Variants in DCLK2 observed in about 807,000 individuals in gnomAD.
The protein encoded by DCLK2 is serine/threonine-protein kinase DCLK2.
In DCLK2, 31 loss-of-function variants were observed where a neutral mutation model predicts 78.4. The observed-to-expected ratio is 0.40, with a 90% CI of 0.30 to 0.53. The LOEUF is 0.53. Among genes scored for constraint, DCLK2 ranks in the 20% least tolerant of loss-of-function variants. DCLK2 has a pLI of 0.61. For synonymous variants in DCLK2, 407 were observed against 374.9 expected, an observed-to-expected ratio of 1.09 and a Z score of -0.99; for missense variants, 872 against 973.7, an observed-to-expected ratio of 0.90 and a Z score of 1.39.
In DCLK2 at chr4:150,232,795, C is replaced by T. The variant is rs755611045; in HGVS notation, c.1533C>T (p.Ile511=). The T allele has an allele frequency of 7.4e-6, 12 of 1,613,960 alleles. No individual in the cohort carries two copies. Among genetic ancestry groups the T allele is most frequent in the Admixed American group, 6.7e-5 (4 of 60,000 alleles). Residue 511 remains isoleucine, a synonymous_variant, in exon 10 of 16, where the codon ATC becomes ATT. Transcript: ENST00000296550. ...TCAGGTATCTCCATGGCCTCAGCAT[C>T]GTGCACAGAGACATCAAACCAGAGA... The part of the protein sequence containing the change: ...NALRYLHGLS[I]VHRDIKPENL...
At chr4:150,193,829 C>G (rs1014897311) in intron 3 of DCLK2, among the ~76,000 whole-genome samples, 7 of 151,992 alleles carry the variant, frequency 4.6e-5, no homozygotes, top group Non-Finnish European at 1.0e-4. Flanking sequence ...CTCACTGCAG[C>G]CTTGACTGTG....
chr4:150,086,673 A>AT (rs1729672854), intron 1 of DCLK2, among the ~76,000 whole-genome samples: 1 of 151,764 alleles, frequency 6.6e-6, no homozygotes, highest in Non-Finnish European at 1.5e-5. Flanking sequence ...CGCCCTGCTA[A>AT]TTTTTTGTAT....
At chr4:150,239,660 C>A in intron 10 of DCLK2, 82 bp from the exon 11 acceptor site, 1 of 1,512,302 alleles carries the variant, frequency 6.6e-7, no homozygotes, top group Non-Finnish European at 9.0e-7. Flanking sequence ...GTATTTGTGT[C>A]CTTTCTGCCT....
At chr4:150,201,347 G>T (rs974088278) in intron 4 of DCLK2, among the ~76,000 whole-genome samples, 11 of 152,210 alleles carry the variant, frequency 7.2e-5, no homozygotes, top group African/African-American at 2.6e-4. Flanking sequence ...GTTGCAGGGG[G>T]AGAGGTCATG....
At chr4:150,135,656 A>G (rs1733638703) in intron 2 of DCLK2, among the ~76,000 whole-genome samples, 1 of 152,230 alleles carries the variant, frequency 6.6e-6, no homozygotes. Flanking sequence ...AAGAAAGGAT[A>G]AGGATTTGCT....
intron 2 of DCLK2, among the ~76,000 whole-genome samples, chr4:150,121,990 T>G (rs1292582140): frequency 6.6e-6 from 1 of 152,238 alleles, no homozygotes; most frequent in Non-Finnish European, 1.5e-5. Context: ...TGTAAATAGA[T>G]GCACTGTCAT....
At chr4:150,169,871 CAGTTA>C (rs1228568779) in intron 2 of DCLK2, among the ~76,000 whole-genome samples, 1 of 152,084 alleles carries the variant, frequency 6.6e-6, no homozygotes, top group African/African-American at 2.4e-5. Flanking sequence ...GTTAGGCTTT[CAGTTA>C]AGTTAGGTTA....
intron 2 of DCLK2, among the ~76,000 whole-genome samples, chr4:150,172,432 T>C (rs1019820317): frequency 3.3e-5 from 5 of 150,884 alleles, no homozygotes; most frequent in African/African-American, 9.7e-5. Context: ...CGAAACCCCA[T>C]CTCTACGAAA....
intron 2 of DCLK2, among the ~76,000 whole-genome samples, chr4:150,187,902 C>T (rs564269305): frequency 2.6e-5 from 4 of 151,024 alleles, no homozygotes; most frequent in South Asian, 2.1e-4. Context: ...CCGGTTCAAG[C>T]GATTCCCCCT....
chr4:150,175,030 ATATTTATATATATTTATATATT>A (rs1560834581), intron 2 of DCLK2, among the ~76,000 whole-genome samples: 19 of 51,280 alleles, frequency 3.7e-4, no homozygotes, highest in Non-Finnish European at 6.3e-4. Context: ...ATATATATAT[ATATTTATATATATTTATATATT>A]TATATATATA....
In DCLK2 at chr4:150,256,200, G is replaced by GC; in HGVS notation, c.2258dup (p.Gly755TrpfsTer2). 6.6e-7 allele frequency: 1 copy of GC among 1,520,512 alleles called. No individual in the cohort carries two copies. The allele number at this position is 1,520,512 out of a possible 1,614,324, so 94.2% of individuals were successfully genotyped here. On this transcript the variant is annotated frameshift_variant, in exon 16 of 16. Transcript: ENST00000296550. LOFTEE classifies it high-confidence loss of function. ...TCCCACCCCCCACCCTCCTCCCGCT[G>GC]CCCCGGGTGGTGAGCGGGCAGGAAC...
intron 15 of DCLK2, 63 bp from the exon 16 acceptor site, chr4:150,255,957 C>T (rs1034977102): frequency 9.5e-6 from 15 of 1,576,150 alleles, no homozygotes; most frequent in South Asian, 5.9e-5. Flanking sequence ...GCTCTCTGCT[C>T]GTGGCAGCTG....
At chr4:150,162,057 G>T (rs1448412880) in intron 2 of DCLK2, among the ~76,000 whole-genome samples, 2 of 152,126 alleles carry the variant, frequency 1.3e-5, no homozygotes, top group African/African-American at 2.4e-5. Context: ...TTGAAACAGG[G>T]TCTTGCCCTG....
At chr4:150,187,420 T>TG (rs1738036456) in intron 2 of DCLK2, among the ~76,000 whole-genome samples, 2 of 152,206 alleles carry the variant, frequency 1.3e-5, no homozygotes, top group Non-Finnish European at 2.9e-5. Flanking sequence ...TCCCTCTGCC[T>TG]GGAACACTTT....
chr4:150,239,721 G>T, intron 10 of DCLK2, 21 bp from the exon 11 acceptor site: 2 of 1,609,860 alleles, frequency 1.2e-6, no homozygotes, highest in Non-Finnish European at 1.7e-6. Context: ...TCTTCTGATT[G>T]TTGGCTGATT....
intron 2 of DCLK2, among the ~76,000 whole-genome samples, chr4:150,190,822 T>TG (rs1738396092): frequency 6.6e-6 from 1 of 151,984 alleles, no homozygotes; most frequent in Admixed American, 6.6e-5. Flanking sequence ...TAAACGCTTT[T>TG]AAAAAAACAA....
chr4:150,079,330 GCTC>G lies in DCLK2; in HGVS notation c.307_309del (p.Leu103del). 1 of 1,588,690 alleles carries G rather than the reference GCTC, an allele frequency of 6.3e-7. No homozygotes were observed. Among genetic ancestry groups the G allele is most frequent in the Non-Finnish European group, 8.6e-7 (1 of 1,167,688 alleles). ...GCGACCGCTTCCGGTCCTTCGATGC[GCTC>G]CTCATAGAGCTCACCCGCTCCCTGT... On this transcript the variant is annotated inframe_deletion, in exon 1 of 16. Coordinates refer to ENST00000296550, the MANE Select transcript of DCLK2 (RefSeq NM_001040260.4).
chr4:150,141,702 C>A (rs1446720839), intron 2 of DCLK2, among the ~76,000 whole-genome samples: 4 of 152,118 alleles, frequency 2.6e-5, no homozygotes, highest in African/African-American at 9.7e-5. Context: ...CTGAGGTGTA[C>A]GTTCATTTTT....
At chr4:150,184,601 CTTTTTTT>C (rs746012032) in intron 2 of DCLK2, among the ~76,000 whole-genome samples, 1 of 43,974 alleles carries the variant, frequency 2.3e-5, no homozygotes, top group Non-Finnish European at 3.7e-5. Flanking sequence ...TCTTCTTCTT[CTTTTTTT>C]TTTTTTTTTT....
Sources: gnomAD v4.1 joint callset for allele counts (sites outside exome capture counted in the v4.1 genomes callset) on GRCh38, gnomAD v4.1.1 for gene constraint, MANE v1.5 for transcripts, NCBI Gene and HGNC (gene_info 2026-07-23, HGNC 2026-07-21) for gene names.